The following PLCE1 variants were observed in gnomAD, a reference collection of about 807,000 sequenced individuals.
PLCE1 encodes the protein phospholipase C epsilon 1.
Under a neutral mutation model 242.8 loss-of-function variants are expected in PLCE1, and 119 were observed. The observed-to-expected ratio is 0.49, with a 90% confidence interval of 0.42 to 0.57. The LOEUF (loss-of-function observed/expected upper bound fraction) is 0.57. PLCE1 is among the 20% of genes least tolerant of loss of function. The probability of loss-of-function intolerance (pLI) is 0.00; values close to 1 mark genes in which losing one functional copy is unlikely to be tolerated. For missense variants in PLCE1, 2,441 were observed against 2,788.8 expected (o/e 0.88, Z 2.81); for synonymous variants, 945 against 1,017.4 (o/e 0.93, Z 1.35).
chr10:94,261,043 A>G (rs894801457), intron 13 of PLCE1, among the ~76,000 whole-genome samples: 3 of 152,168 alleles, frequency 2.0e-5, no homozygotes, highest in Admixed American at 6.5e-5. Context: ...TGTGTTGTGC[A>G]TTCTATGGGT....
chr10:94,021,199 C>T (rs557490070), intron 1 of PLCE1, among the ~76,000 whole-genome samples: 8 of 150,576 alleles, frequency 5.3e-5, no homozygotes, highest in East Asian at 3.9e-4. Flanking sequence ...TATTTTCTCC[C>T]GGTCTGTGTC....
chr10:94,088,919 A>G, intron 2 of PLCE1: 1 of 524,110 alleles, frequency 1.9e-6, no homozygotes. Flanking sequence ...GTAATGTAGA[A>G]AAGTTATGTT....
intron 2 of PLCE1, chr10:94,106,944 C>CTCTCTCTCTCTCTCT (rs1554855409): frequency 7.9e-5 from 10 of 126,380 alleles, no homozygotes; most frequent in Non-Finnish European, 1.3e-4. Flanking sequence ...CTCTCTCTCT[C>CTCTCTCTCTCTCTCT]CCCCTCCCCT....
intron 30 of PLCE1, among the ~76,000 whole-genome samples, chr10:94,322,799 T>C (rs1022380864): frequency 3.4e-5 from 5 of 147,252 alleles, no homozygotes; most frequent in Admixed American, 2.0e-4. Flanking sequence ...AAAAAAAAAG[T>C]ACAAAAATTA....
intron 4 of PLCE1, among the ~76,000 whole-genome samples, chr10:94,225,958 A>G (rs913683376): frequency 8.5e-5 from 13 of 152,238 alleles, no homozygotes; most frequent in African/African-American, 3.1e-4. Flanking sequence ...GTTGCTGTCC[A>G]GGCTTCAGCA....
chr10:94,236,580 C>A (rs1589396806), intron 7 of PLCE1, among the ~76,000 whole-genome samples: 1 of 152,078 alleles, frequency 6.6e-6, no homozygotes, highest in South Asian at 2.1e-4. Context: ...GTATTTTTAT[C>A]TCTGCCAACC....
intron 11 of PLCE1, among the ~76,000 whole-genome samples, chr10:94,257,665 G>T (rs974221565): frequency 1.3e-5 from 2 of 152,110 alleles, no homozygotes; most frequent in Non-Finnish European, 2.9e-5. Context: ...GCAAACTATC[G>T]CAAGGACAGA....
chr10:94,126,057 G>A (rs1425092524), intron 2 of PLCE1, among the ~76,000 whole-genome samples: 2 of 152,132 alleles, frequency 1.3e-5, no homozygotes, highest in African/African-American at 4.8e-5. Flanking sequence ...TCCTAGTACT[G>A]GCTTCTATAA....
intron 11 of PLCE1, among the ~76,000 whole-genome samples, chr10:94,255,952 T>TCC (rs1423645455): frequency 8.4e-5 from 10 of 118,796 alleles, no homozygotes; most frequent in East Asian, 2.5e-4. Flanking sequence ...TCTCTCTCTC[T>TCC]CTCTCCCCAC....
At chr10:94,318,650 C>G (rs972119698) in intron 29 of PLCE1, among the ~76,000 whole-genome samples, 17 of 152,128 alleles carry the variant, frequency 1.1e-4, no homozygotes, top group African/African-American at 4.1e-4. Context: ...TTGGGAGGAG[C>G]AGGAGGCAGT....
chr10:94,147,238 A>G (rs919992372), intron 3 of PLCE1, among the ~76,000 whole-genome samples: 4 of 152,070 alleles, frequency 2.6e-5, no homozygotes, highest in African/African-American at 9.7e-5. Flanking sequence ...CCTGGCCAAC[A>G]TGGGGAAACT....
chr10:94,165,136 T>C (rs1303791999), intron 3 of PLCE1, among the ~76,000 whole-genome samples: 1 of 152,230 alleles, frequency 6.6e-6, no homozygotes, highest in African/African-American at 2.4e-5. Flanking sequence ...AGCTGCGTGC[T>C]GGGAGAACCA....
At chr10:94,211,988 G>T (rs142705384) in intron 4 of PLCE1, among the ~76,000 whole-genome samples, 51 of 152,254 alleles carry the variant, frequency 3.3e-4, no homozygotes, top group African/African-American at 1.1e-3. Flanking sequence ...ATGGTCAAAA[G>T]AACTTGAGAA....
chr10:94,138,133 G>T, intron 3 of PLCE1: 1 of 383,110 alleles, frequency 2.6e-6, no homozygotes, highest in Non-Finnish European at 5.1e-6. Context: ...ACATCACCAT[G>T]AACCAGACTG....
chr10:94,324,837 G>A, intron 31 of PLCE1, 55 bp from the exon 32 acceptor site: 1 of 1,541,670 alleles, frequency 6.5e-7, no homozygotes, highest in Non-Finnish European at 9.0e-7. Flanking sequence ...AGTGTCATGT[G>A]ACAGAGGAAC....
Position 94,284,828 on chromosome 10 carries a change from T to C in PLCE1, c.4918-20T>C. ...AGCATATACCTTCCATGTAAAATGGTATCATTTTTCCCTTACCAGGTTTAT... is the reference window on the plus strand; with the variant it reads ...AGCATATACCTTCCATGTAAAATGGCATCATTTTTCCCTTACCAGGTTTAT... On this transcript the variant is annotated intron_variant, in intron 21 of 32. Transcript: ENST00000371380. 7.7e-7 allele frequency: 1 copy of C among 1,293,210 alleles called. No individual in the cohort carries two copies. Among genetic ancestry groups the C allele is most frequent in the Non-Finnish European group, 1.1e-6 (1 of 886,984 alleles). The allele number at this position is 1,293,210 out of a possible 1,614,324, so 80.1% of individuals were successfully genotyped here. A position where few individuals can be genotyped will look rare whatever the true frequency, so the allele number is the denominator to read the frequency against.
intron 1 of PLCE1, among the ~76,000 whole-genome samples, chr10:94,018,833 G>C (rs140480198): frequency 8.9e-4 from 135 of 152,226 alleles, no homozygotes; most frequent in Middle Eastern, 3.4e-3. Flanking sequence ...GAAATGTTAA[G>C]AATCATTTAG....
chr10:94,124,381 G>GAAAAA (rs981911349), intron 2 of PLCE1, among the ~76,000 whole-genome samples: 1 of 58,498 alleles, frequency 1.7e-5, no homozygotes, highest in African/African-American at 5.5e-5. Context: ...TTGTCTCAGA[G>GAAAAA]AAAAAAAAAA....
Position 94,132,392 on chromosome 10 carries a change from G to A in PLCE1, c.1425G>A (p.Thr475=), listed in dbSNP as rs373491674. The A allele has an allele frequency of 2.0e-5, 32 of 1,613,936 alleles. No homozygotes were observed. The African/African-American group carries it at 3.1e-4, about 15-fold the overall frequency. The stretch of plus-strand genomic sequence containing the variant: ...CCGGTTCTCTCCTAGAAGCAACCAC[G>A]TCTTTGGGAGCAAGAAGTGGCCTTC... ...YITGSLLEAT[T]SLGARSGLLS... Residue 475 remains threonine, a synonymous_variant, in exon 3 of 33, where the codon ACG becomes ACA. Coordinates refer to ENST00000371380, the MANE Select transcript of PLCE1 (RefSeq NM_016341.4).
Sources: gnomAD v4.1 joint callset for allele counts (sites outside exome capture counted in the v4.1 genomes callset) on GRCh38, gnomAD v4.1.1 for gene constraint, MANE v1.5 for transcripts, NCBI Gene and HGNC (gene_info 2026-07-23, HGNC 2026-07-21) for gene names.